ATP1B1: variants seen among roughly 807,000 people sequenced by gnomAD.
The protein encoded by ATP1B1 is ATPase Na+/K+ transporting subunit beta 1.
Under a neutral mutation model 39.6 loss-of-function variants are expected in ATP1B1, and 3 were observed. The ratio of observed to expected loss-of-function variants is 0.08; its 90% confidence interval spans 0.03 to 0.20. ATP1B1 has a LOEUF of 0.20. ATP1B1 is among the 10% of genes least tolerant of loss of function. ATP1B1 has a pLI of 1.00. For synonymous variants in ATP1B1, 139 were observed against 135.0 expected, an observed-to-expected ratio of 1.03 and a Z score of -0.20; for missense variants, 216 against 371.1, an observed-to-expected ratio of 0.58 and a Z score of 3.43.
chr1:169,120,446 G>A (rs1392923902), intron 2 of ATP1B1, among the ~76,000 whole-genome samples: 1 of 152,318 alleles, frequency 6.6e-6, no homozygotes, highest in East Asian at 1.9e-4. Flanking sequence ...ACATGACTGA[G>A]CTTTCTGGGG....
chr1:169,110,807 T>C (rs1657713860), intron 1 of ATP1B1: 3 of 669,966 alleles, frequency 4.5e-6, no homozygotes, highest in Admixed American at 4.1e-5. Context: ...GGGAGAGTGA[T>C]AGTAAAAAAA....
chr1:169,114,787 A>G (rs1027366938), intron 2 of ATP1B1, among the ~76,000 whole-genome samples: 1 of 151,924 alleles, frequency 6.6e-6, no homozygotes, highest in African/African-American at 2.4e-5. Flanking sequence ...ACTTTGAGAG[A>G]CTGAGGCAGG....
chr1:169,125,462 C>G (rs1235432037), intron 3 of ATP1B1, among the ~76,000 whole-genome samples: 1 of 152,162 alleles, frequency 6.6e-6, no homozygotes, highest in Non-Finnish European at 1.5e-5. Context: ...CACTGGCATT[C>G]ATGAAGGAGG....
intron 2 of ATP1B1, among the ~76,000 whole-genome samples, chr1:169,113,853 T>A (rs972856565): frequency 2.6e-5 from 4 of 152,222 alleles, no homozygotes; most frequent in African/African-American, 4.8e-5. Context: ...TCCATCTTCC[T>A]TGTTCTTTGG....
At chr1:169,117,960 T>C (rs965810426) in intron 2 of ATP1B1, among the ~76,000 whole-genome samples, 41 of 152,262 alleles carry the variant, frequency 2.7e-4, no homozygotes, top group Non-Finnish European at 5.1e-4. Context: ...AAATATACTA[T>C]ATGTACTTGC....
intron 2 of ATP1B1, among the ~76,000 whole-genome samples, chr1:169,121,781 G>C (rs1657984929): frequency 6.6e-6 from 1 of 152,170 alleles, no homozygotes; most frequent in Admixed American, 6.5e-5. Flanking sequence ...AGCTTGTTAG[G>C]TGAGACTCTC....
chr1:169,110,567 C>CT (rs11423213), intron 1 of ATP1B1: 101,567 of 433,512 alleles, frequency 0.23, 20,821 homozygotes, highest in African/African-American at 0.61. Flanking sequence ...TGTGTTGAGT[C>CT]TTTTTTTTTT....
chr1:169,111,644 C>T lies in ATP1B1; in HGVS notation c.226+146C>T, dbSNP rs1282239634. The T allele has an allele frequency of 1.3e-5, 15 of 1,184,932 alleles. No individual in the cohort carries two copies. The South Asian group carries it at 1.6e-4, about 13-fold the overall frequency. The allele number at this position is 1,184,932 out of a possible 1,614,324, so 73.4% of individuals were successfully genotyped here. On this transcript the variant is annotated intron_variant, in intron 2 of 5. Transcript: ENST00000367815. ...GGAAAAGAGAAACTTCTCTCGGCTG[C>T]AGCCAGATGTCCTACCCGCATTGCA...
chr1:169,132,639 A>C lies in ATP1B1; in HGVS notation c.*1084A>C. The C allele has an allele frequency of 1.5e-6, 1 of 670,202 alleles. No homozygotes were observed. The highest frequency in any genetic ancestry group is 2.5e-6 in the Non-Finnish European group (1 of 398,434). The allele number at this position is 670,202 out of a possible 1,614,324, so 41.5% of individuals were successfully genotyped here. A position where few individuals can be genotyped will look rare whatever the true frequency, so the allele number is the denominator to read the frequency against. On this transcript the variant is annotated 3_prime_UTR_variant, in exon 6 of 6. Transcript: ENST00000367815. ...GCAAAATCCATGTTCTAACATATGT[A>C]ATAATTGCCAGGAGTACAGTGCTCT... is the stretch of plus-strand genomic sequence containing the variant.
chr1:169,126,214 A>G (rs1452043023), intron 3 of ATP1B1, among the ~76,000 whole-genome samples: 1 of 152,216 alleles, frequency 6.6e-6, no homozygotes. Flanking sequence ...TTTTCATCTT[A>G]CTTTGCAGTA....
intron 2 of ATP1B1, among the ~76,000 whole-genome samples, chr1:169,123,166 C>T (rs916368707): frequency 6.6e-5 from 10 of 152,208 alleles, no homozygotes; most frequent in South Asian, 4.1e-4. Flanking sequence ...CTTCCACATT[C>T]GTTAACGTCG....
In ATP1B1 at chr1:169,132,693, A is replaced by G; in HGVS notation, c.*1138A>G. 1 of 1,243,938 alleles carries G rather than the reference A, an allele frequency of 8.0e-7. No individual in the cohort carries two copies. Among genetic ancestry groups the G allele is most frequent in the Non-Finnish European group, 1.2e-6 (1 of 862,574 alleles). 77.1% of individuals were successfully genotyped at this position (1,243,938 alleles called of 1,614,324 possible). A position where few individuals can be genotyped will look rare whatever the true frequency, so the allele number is the denominator to read the frequency against. On this transcript the variant is annotated 3_prime_UTR_variant, in exon 6 of 6. Transcript: ENST00000367815. ...TGATCTTGTATTCAGTCAGGTTAAA[A>G]CAACGGACAATAAAAGAATGAACAC...
At chr1:169,126,827 A>C (rs1219882095) in intron 3 of ATP1B1, among the ~76,000 whole-genome samples, 2 of 152,200 alleles carry the variant, frequency 1.3e-5, no homozygotes, top group African/African-American at 4.8e-5. Flanking sequence ...TTCTGATTAT[A>C]ATATCCCTGT....
chr1:169,128,140 C>T (rs998726109), intron 4 of ATP1B1, among the ~76,000 whole-genome samples: 1 of 152,164 alleles, frequency 6.6e-6, no homozygotes, highest in African/African-American at 2.4e-5. Flanking sequence ...TTCATCCTCT[C>T]CTCCAGATCA....
At chr1:169,116,578 C>T (rs1029577960) in intron 2 of ATP1B1, among the ~76,000 whole-genome samples, 1 of 152,116 alleles carries the variant, frequency 6.6e-6, no homozygotes, top group East Asian at 1.9e-4. Context: ...GGGCCTGGCG[C>T]AGTGGCTCAT....
intron 4 of ATP1B1, among the ~76,000 whole-genome samples, chr1:169,129,125 C>T (rs12137282): frequency 0.3 from 44,938 of 152,036 alleles, 7,688 homozygotes; most frequent in Non-Finnish European, 0.39. Flanking sequence ...CAAATCTAGA[C>T]GATCATTTTC....
At position 169,132,609 on chromosome 1, in the gene ATP1B1, A is replaced by G. The variant is rs138857215; in HGVS notation, c.*1054A>G. ...CATAGACTGGTGTTAAATGTTGTCT[A>G]CAGTGCAAAATCCATGTTCTAACAT... On this transcript the variant is annotated 3_prime_UTR_variant, in exon 6 of 6. Transcript: ENST00000367815. 1.2e-4 allele frequency: 69 copies of G among 557,248 alleles called. No homozygotes were observed. Among genetic ancestry groups the G allele is most frequent in the Middle Eastern group, 5.8e-4 (2 of 3,444 alleles). 34.5% of individuals were successfully genotyped at this position (557,248 alleles called of 1,614,324 possible). A position where few individuals can be genotyped will look rare whatever the true frequency, so the allele number is the denominator to read the frequency against.
Position 169,132,564 on chromosome 1 carries a change from T to C in ATP1B1, c.*1009T>C, listed in dbSNP as rs1310494861. 4.6e-6 allele frequency: 2 copies of C among 432,696 alleles called. No homozygotes were observed. Among genetic ancestry groups the C allele is most frequent in the African/African-American group, 4.1e-5 (2 of 48,874 alleles). 26.8% of individuals were successfully genotyped at this position (432,696 alleles called of 1,614,324 possible). On this transcript the variant is annotated 3_prime_UTR_variant, in exon 6 of 6. Transcript: ENST00000367815. ...AAATAAATCTTTATTTTGAACTTTA[T>C]AAAAAGCAATGCAGTACCCCATAGA...
At chr1:169,115,046 G>T (rs562538379) in intron 2 of ATP1B1, among the ~76,000 whole-genome samples, 2 of 151,750 alleles carry the variant, frequency 1.3e-5, no homozygotes, top group African/African-American at 2.4e-5. Context: ...TTAGCCTGTC[G>T]TAGTGGCGGG....
Sources: gnomAD v4.1 joint callset for allele counts (sites outside exome capture counted in the v4.1 genomes callset) on GRCh38, gnomAD v4.1.1 for gene constraint, MANE v1.5 for transcripts, NCBI Gene and HGNC (gene_info 2026-07-23, HGNC 2026-07-21) for gene names.